The following EXTL3 variants were observed in gnomAD, a reference collection of about 807,000 sequenced individuals.
EXTL3 encodes the protein exostosin like glycosyltransferase 3, also known as exostosin-like 3.
In EXTL3, 27 loss-of-function variants were observed where a neutral mutation model predicts 69.3. The ratio of observed to expected loss-of-function variants is 0.39; its 90% CI spans 0.29 to 0.54. The LOEUF is 0.54. Ranked by LOEUF, EXTL3 falls within the 20% of genes least tolerant of loss-of-function variation. The probability of loss-of-function intolerance (pLI) is 0.69; values close to 1 mark genes in which losing one functional copy is unlikely to be tolerated. For synonymous variants in EXTL3, 511 were observed against 499.4 expected (o/e 1.02, Z -0.31); for missense variants, 1,003 against 1,231.8 (o/e 0.81, Z 2.78).
At position 28,729,595 on chromosome 8, in the gene EXTL3, C is replaced by CAA. The variant is rs567929424; in HGVS notation, c.2149-1601_2149-1600dup. 6.7e-3 allele frequency among the ~76,000 whole-genome samples: 223 copies of CAA among 33,216 alleles called. 32 individuals carry two copies. Among genetic ancestry groups the CAA allele is most frequent in the South Asian group, 7.6e-3 (4 of 528 alleles). The allele number at this position is 33,216 out of a possible 152,430, so 21.8% of individuals were successfully genotyped here. ...TGGGTGACAGAGTGAGACTCCATCT[C>CAA]AAAAAAAAAAAAAAAAAAAAAAAAA... On this transcript the variant is annotated intron_variant, in intron 3 of 6. Coordinates refer to ENST00000220562, the MANE Select transcript of EXTL3 (RefSeq NM_001440.4).
chr8:28,612,906 A>T (rs1806289802), intron 2 of EXTL3, among the ~76,000 whole-genome samples: 2 of 152,116 alleles, frequency 1.3e-5, no homozygotes, highest in African/African-American at 4.8e-5. Flanking sequence ...TTTTGTAGAG[A>T]TGAGGTCTTA....
intron 6 of EXTL3, among the ~76,000 whole-genome samples, chr8:28,748,988 T>C (rs1563226879): frequency 6.6e-6 from 1 of 152,206 alleles, no homozygotes; most frequent in Non-Finnish European, 1.5e-5. Context: ...ACCCTTGGAC[T>C]GTTTGACAAA....
At chr8:28,738,545 C>T (rs992896584) in intron 5 of EXTL3, among the ~76,000 whole-genome samples, 8 of 152,076 alleles carry the variant, frequency 5.3e-5, no homozygotes, top group South Asian at 2.1e-4. Flanking sequence ...CCGTGAGTGC[C>T]GCTCTCTACC....
At chr8:28,706,869 C>T (rs1800934513) in intron 1 of EXTL3, among the ~76,000 whole-genome samples, 1 of 151,142 alleles carries the variant, frequency 6.6e-6, no homozygotes, top group East Asian at 1.9e-4. Context: ...TACATAGAAT[C>T]ATTTGATTCT....
At position 28,717,195 on chromosome 8, in the gene EXTL3, T is replaced by G; in HGVS notation, c.1136T>G (p.Ile379Ser). 1 of 1,614,234 alleles carries G rather than the reference T, an allele frequency of 6.2e-7. No individual in the cohort carries two copies. Among genetic ancestry groups the G allele is most frequent in the Non-Finnish European group, 8.5e-7 (1 of 1,180,054 alleles). ...GDPPADYDDRIIATLKAVQDS... is the reference protein window; with the variant it reads ...GDPPADYDDRSIATLKAVQDS... ...CCTCCCGCCGACTACGATGACCGGA[T>G]CATTGCCACCCTGAAGGCGGTGCAG... is the stretch of plus-strand genomic sequence containing the variant. Residue 379 changes from isoleucine to serine, a missense_variant, in exon 3 of 7, where the codon ATC becomes AGC. By Grantham distance (142) the Ile-to-Ser change is moderately radical. Coordinates refer to ENST00000220562, the MANE Select transcript of EXTL3 (RefSeq NM_001440.4). The surrounding 1 kb of genome is among the most constrained non-coding windows in gnomAD (Gnocchi z 8.3).
intron 2 of EXTL3, among the ~76,000 whole-genome samples, chr8:28,615,910 C>G (rs768322562): frequency 6.6e-6 from 1 of 151,974 alleles, no homozygotes; most frequent in African/African-American, 2.4e-5. Flanking sequence ...CATAGTATGT[C>G]TTTCTCCAGC....
Position 28,665,111 on chromosome 8 carries a change from G to A in EXTL3, c.-53+42301G>A, listed in dbSNP as rs1396990093. 1.0e-4 allele frequency among the ~76,000 whole-genome samples: 11 copies of A among 110,366 alleles called. No individual in the cohort carries two copies. In the Admixed American group the frequency reaches 1.2e-3, roughly 13 times the overall value. 72.4% of individuals were successfully genotyped at this position (110,366 alleles called of 152,430 possible). A position where few individuals can be genotyped will look rare whatever the true frequency, so the allele number is the denominator to read the frequency against. ...TTTTGAGAGGGTATCTCACTCTATC[G>A]CCCAGACTGGGGTGCGATGGTGTGA... On this transcript the variant is annotated intron_variant, in intron 1 of 6. Coordinates refer to the EXTL3 transcript ENST00000523149.
downstream of EXTL3, among the ~76,000 whole-genome samples, chr8:28,756,133 G>T (rs1288182017): frequency 1.3e-5 from 2 of 152,116 alleles, no homozygotes; most frequent in African/African-American, 4.8e-5. Context: ...CACATCTTCA[G>T]TGTGCATTCT....
intron 5 of EXTL3, among the ~76,000 whole-genome samples, chr8:28,738,317 G>A (rs936243494): frequency 2.0e-5 from 3 of 152,172 alleles, no homozygotes; most frequent in Non-Finnish European, 2.9e-5. Flanking sequence ...TCAGAATGGA[G>A]ACGTGCTGTT....
Position 28,717,194 on chromosome 8 carries a change from A to C in EXTL3, c.1135A>C (p.Ile379Leu). 1 of 1,614,230 alleles carries C rather than the reference A, an allele frequency of 6.2e-7. No individual in the cohort carries two copies. The highest frequency in any genetic ancestry group is 8.5e-7 in the Non-Finnish European group (1 of 1,180,032). ...CCCTCCCGCCGACTACGATGACCGG[A>C]TCATTGCCACCCTGAAGGCGGTGCA... Reference protein sequence around the residue: ...GDPPADYDDRIIATLKAVQDS... With the variant: ...GDPPADYDDRLIATLKAVQDS... The change falls in exon 3 of 7, where the codon ATC becomes CTC. Residue 379 changes from isoleucine (I) to leucine (L), a missense_variant. Ile to Leu is a conservative substitution (Grantham distance 5). Coordinates refer to ENST00000220562, the MANE Select transcript of EXTL3 (RefSeq NM_001440.4). The surrounding 1 kb of genome is among the most constrained non-coding windows in gnomAD (Gnocchi z 8.3).
intron 3 of EXTL3, among the ~76,000 whole-genome samples, chr8:28,730,564 GA>G (rs1304281026): frequency 6.6e-6 from 1 of 152,188 alleles, no homozygotes; most frequent in Non-Finnish European, 1.5e-5. Context: ...TCTGTTTTAT[GA>G]AGGAAATACT....
At chr8:28,669,004 C>T (rs1392144970) in intron 1 of EXTL3, among the ~76,000 whole-genome samples, 1 of 151,624 alleles carries the variant, frequency 6.6e-6, no homozygotes, top group East Asian at 2.0e-4. Flanking sequence ...GCTGGGACTA[C>T]AGGTGTGTGC....
intron 2 of EXTL3, among the ~76,000 whole-genome samples, chr8:28,610,855 A>T (rs1424107647): frequency 6.6e-6 from 1 of 151,394 alleles, no homozygotes; most frequent in South Asian, 2.1e-4. Context: ...TCTCCCAGGA[A>T]CCTCAGCCTC....
chr8:28,717,421 C>A lies in EXTL3; in HGVS notation c.1362C>A (p.Ala454=). Residue 454 remains alanine, a synonymous_variant, in exon 3 of 7, where the codon GCC becomes GCA. Transcript: ENST00000220562. This position sits in a 1 kb window ranked among gnomAD's most constrained non-coding sequence, Gnocchi z 8.3. ...SSGCATRLFE[A]LEVGAVPVVL... is the part of the protein sequence containing the mutation. Reference sequence around the variant, plus strand: ...GGTGTGCAACACGGCTCTTCGAAGCCCTGGAAGTCGGTGCCGTCCCGGTGG... The same window carrying A: ...GGTGTGCAACACGGCTCTTCGAAGCACTGGAAGTCGGTGCCGTCCCGGTGG... The A allele has an allele frequency of 6.2e-7, 1 of 1,614,174 alleles. No individual in the cohort carries two copies. Among genetic ancestry groups the A allele is most frequent in the Non-Finnish European group, 8.5e-7 (1 of 1,180,028 alleles).
chr8:28,636,344 A>AAC (rs1333519357), intron 1 of EXTL3, among the ~76,000 whole-genome samples: 2 of 151,700 alleles, frequency 1.3e-5, no homozygotes, highest in African/African-American at 4.8e-5. Context: ...AAAAAAAAAA[A>AAC]AACAAATGTC....
At chr8:28,660,895 CCT>C (rs1807101242) in intron 1 of EXTL3, among the ~76,000 whole-genome samples, 1 of 41,118 alleles carries the variant, frequency 2.4e-5, no homozygotes, top group Non-Finnish European at 4.8e-5. Context: ...GGAAAGTTTT[CCT>C]CTCTTTTGTT....
chr8:28,651,367 C>T (rs973747431), intron 1 of EXTL3, among the ~76,000 whole-genome samples: 1 of 152,088 alleles, frequency 6.6e-6, no homozygotes, highest in East Asian at 1.9e-4. Flanking sequence ...ACTTTGTCCC[C>T]CACGCTGGAG....
intron 6 of EXTL3, among the ~76,000 whole-genome samples, chr8:28,749,623 TTTCATTCATTCATTCA>T (rs139624117): frequency 3.7e-4 from 55 of 150,616 alleles, no homozygotes; most frequent in African/African-American, 1.2e-3. Context: ...CCTCTGAGGA[TTTCATTCATTCATTCA>T]TTCATTCATT....
intron 3 of EXTL3, among the ~76,000 whole-genome samples, chr8:28,727,488 T>C (rs1177638996): frequency 1.3e-5 from 2 of 152,244 alleles, no homozygotes; most frequent in African/African-American, 4.8e-5. Context: ...ATTTGGTTGT[T>C]TGTAAATTAG....
Sources: gnomAD v4.1 joint callset for allele counts (sites outside exome capture counted in the v4.1 genomes callset) on GRCh38, gnomAD v4.1.1 for gene constraint, Gnocchi (gnomAD v3.1) non-coding constraint, MANE v1.5 for transcripts, NCBI Gene and HGNC (gene_info 2026-07-23, HGNC 2026-07-21) for gene names.